The following GPRC5A variants were observed in gnomAD, a reference collection of about 807,000 sequenced individuals.
The protein encoded by GPRC5A is G protein-coupled receptor class C group 5 member A.
In GPRC5A, 19 loss-of-function variants were observed where a neutral mutation model predicts 22.5. The ratio of observed to expected loss-of-function variants is 0.85; its 90% CI spans 0.59 to 1.24. The LOEUF is 1.24. GPRC5A is among the 50% of genes most tolerant of loss of function. GPRC5A has a pLI of 0.00. For synonymous variants in GPRC5A, 192 were observed against 184.5 expected (o/e 1.04, Z -0.33); for missense variants, 471 against 451.1 (o/e 1.04, Z -0.40).
rs1199515181 is a variant in GPRC5A, at chr12:12,915,878, C to G, written c.*3339C>G. The G allele has an allele frequency of 5.7e-6, 3 of 528,384 alleles. No individual in the cohort carries two copies. Among genetic ancestry groups the G allele is most frequent in the Non-Finnish European group, 7.8e-6 (2 of 256,750 alleles). 32.7% of individuals were successfully genotyped at this position (528,384 alleles called of 1,614,324 possible). Reference sequence around the variant, plus strand: ...AGCCTGCAGGGGCAGGCCAGCCCTGCACTGAACGCCTGTTCTTGCCAGGTG... The same window carrying G: ...AGCCTGCAGGGGCAGGCCAGCCCTGGACTGAACGCCTGTTCTTGCCAGGTG... On this transcript the variant is annotated 3_prime_UTR_variant, in exon 4 of 4. Transcript: ENST00000014914.
intron 1 of GPRC5A, among the ~76,000 whole-genome samples, chr12:12,896,364 G>A (rs570002872): frequency 6.6e-6 from 1 of 152,276 alleles, no homozygotes; most frequent in Non-Finnish European, 1.5e-5. Flanking sequence ...TTATTCATAA[G>A]TTATTGCCAT....
intron 1 of GPRC5A, among the ~76,000 whole-genome samples, chr12:12,907,068 A>C (rs1373169438): frequency 6.6e-6 from 1 of 150,840 alleles, no homozygotes; most frequent in Non-Finnish European, 1.5e-5. Context: ...AAAAAAAAAC[A>C]AAAACTCAAA....
chr12:12,903,066 T>C (rs1863906331), intron 1 of GPRC5A, among the ~76,000 whole-genome samples: 1 of 151,752 alleles, frequency 6.6e-6, no homozygotes, highest in Non-Finnish European at 1.5e-5. Context: ...AAACTCCGTC[T>C]CAAACAAAAA....
At position 12,909,146 on chromosome 12, in the gene GPRC5A, C is replaced by T; in HGVS notation, c.897C>T (p.Ala299=). The change falls in exon 2 of 4, where the codon GCC becomes GCT. Residue 299 remains alanine, a synonymous_variant. Transcript: ENST00000014914. ...AGAGCTATGGTGTGGAGAACAGAGC[C>T]TACTCTCAAGAGGAAATCACTCAAG... ...VKKSYGVENR[A]YSQEEITQGF... The T allele has an allele frequency of 6.3e-7, 1 of 1,593,764 alleles. No individual in the cohort carries two copies. Among genetic ancestry groups the T allele is most frequent in the Non-Finnish European group, 8.5e-7 (1 of 1,176,070 alleles).
chr12:12,911,173 G>A (rs983715271), intron 2 of GPRC5A, among the ~76,000 whole-genome samples: 6 of 151,768 alleles, frequency 4.0e-5, no homozygotes, highest in East Asian at 1.9e-4. Flanking sequence ...GCCCAGCCAC[G>A]ATCTCTTAAA....
At chr12:12,895,030 A>G (rs112409738) in intron 1 of GPRC5A, among the ~76,000 whole-genome samples, 8,228 of 151,738 alleles carry the variant, frequency 0.054, 767 homozygotes, top group African/African-American at 0.19. Flanking sequence ...TGCCCGCCTC[A>G]GCCTCCCAAA....
chr12:12,895,865 T>TGCCTC (rs1863818104), intron 1 of GPRC5A, among the ~76,000 whole-genome samples: 1 of 139,050 alleles, frequency 7.2e-6, no homozygotes, highest in Non-Finnish European at 1.5e-5. Context: ...TGGTGGTGGG[T>TGCCTC]GCCTGTAGTC....
At chr12:12,903,056 A>T (rs778464126) in intron 1 of GPRC5A, among the ~76,000 whole-genome samples, 23 of 152,182 alleles carry the variant, frequency 1.5e-4, no homozygotes, top group Middle Eastern at 3.2e-3. Flanking sequence ...AACGGGAGTG[A>T]AACTCCGTCT....
intron 3 of GPRC5A, 79 bp from the exon 4 acceptor site, chr12:12,912,368 A>G (rs1336400257): frequency 2.0e-6 from 2 of 986,492 alleles, no homozygotes; most frequent in East Asian, 2.4e-5. Flanking sequence ...GAAGGAAATG[A>G]GACTTCTGCC....
intron 1 of GPRC5A, among the ~76,000 whole-genome samples, chr12:12,903,468 TA>T (rs1592349468): frequency 6.6e-6 from 1 of 152,148 alleles, no homozygotes; most frequent in Non-Finnish European, 1.5e-5. Context: ...TTTATTTTTC[TA>T]GAGACAGTGG....
Position 12,908,525 on chromosome 12 carries a change from C to T in GPRC5A, c.276C>T (p.Ser92=). ...TFAFIIGLDG[S]TGPTRFFLFG... ...CCTTCATCATCGGACTGGACGGGAG[C>T]ACAGGGCCCACACGCTTCTTCCTCT... Residue 92 remains serine, a synonymous_variant, in exon 2 of 4, where the codon AGC becomes AGT. Coordinates refer to ENST00000014914, the MANE Select transcript of GPRC5A (RefSeq NM_003979.4). 1.9e-6 allele frequency: 3 copies of T among 1,614,170 alleles called. No homozygotes were observed. Among genetic ancestry groups the T allele is most frequent in the Non-Finnish European group, 2.5e-6 (3 of 1,180,044 alleles).
intron 1 of GPRC5A, among the ~76,000 whole-genome samples, chr12:12,893,457 T>C (rs1863785947): frequency 1.3e-5 from 2 of 152,202 alleles, no homozygotes. Context: ...TTGAGGAGTA[T>C]TTTTGCTTGA....
Position 12,909,091 on chromosome 12 carries a change from A to G in GPRC5A, c.842A>G (p.Asp281Gly). 1 of 1,603,832 alleles carries G rather than the reference A, an allele frequency of 6.2e-7. No individual in the cohort carries two copies. The highest frequency in any genetic ancestry group is 1.1e-5 in the South Asian group (1 of 91,074). Reference protein sequence around the residue: ...QRNPMDYPVEDAFCKPQLVKK... With the variant: ...QRNPMDYPVEGAFCKPQLVKK... Reference sequence around the variant, plus strand: ...AACCCCATGGATTATCCTGTTGAGGATGCTTTCTGTAAACCTCAACTCGTG... The same window carrying G: ...AACCCCATGGATTATCCTGTTGAGGGTGCTTTCTGTAAACCTCAACTCGTG... Residue 281 changes from aspartate to glycine, a missense_variant, in exon 2 of 4, where the codon GAT becomes GGT. Physicochemically the swap from Asp to Gly is moderately conservative, Grantham distance 94. Coordinates refer to ENST00000014914, the MANE Select transcript of GPRC5A (RefSeq NM_003979.4).
intron 1 of GPRC5A, among the ~76,000 whole-genome samples, chr12:12,898,536 GAAA>G (rs1016271986): frequency 7.3e-6 from 1 of 137,106 alleles, no homozygotes; most frequent in Non-Finnish European, 1.6e-5. Flanking sequence ...TGTCTCAAAA[GAAA>G]AAAAAAAAGA....
chr12:12,901,602 GACA>G (rs1455900425), intron 1 of GPRC5A, among the ~76,000 whole-genome samples: 3 of 152,074 alleles, frequency 2.0e-5, no homozygotes, highest in African/African-American at 7.2e-5. Context: ...GCTGGGGAGA[GACA>G]ACGTTTAATG....
At chr12:12,896,061 G>T (rs1863820388) in intron 1 of GPRC5A, among the ~76,000 whole-genome samples, 1 of 149,472 alleles carries the variant, frequency 6.7e-6, no homozygotes, top group African/African-American at 2.5e-5. Flanking sequence ...CCTATTTTCT[G>T]GAAATTTCAT....
At position 12,909,147 on chromosome 12, in the gene GPRC5A, T is replaced by C. The variant is rs574849680; in HGVS notation, c.898T>C (p.Tyr300His). ...KKSYGVENRAYSQEEITQGFE... is the reference protein window; with the variant it reads ...KKSYGVENRAHSQEEITQGFE... ...GAGCTATGGTGTGGAGAACAGAGCC[T>C]ACTCTCAAGAGGAAATCACTCAAGG... is the stretch of plus-strand genomic sequence containing the variant. Residue 300 changes from tyrosine (Y) to histidine (H), a missense_variant, in exon 2 of 4, where the codon TAC (tyrosine) becomes CAC (histidine). Transcript: ENST00000014914. 3.1e-6 allele frequency: 5 copies of C among 1,593,294 alleles called. No homozygotes were observed. In the Admixed American group the frequency reaches 8.4e-5, roughly 27 times the overall value.
At chr12:12,912,289 C>T (rs1038537111) in intron 3 of GPRC5A, 147 bp downstream of exon 3, 43 of 853,942 alleles carry the variant, frequency 5.0e-5, no homozygotes, top group Admixed American at 4.8e-4. Context: ...AGCGGCCTCA[C>T]GGGGTTAGTG....
chr12:12,899,644 C>G (rs147881838), intron 1 of GPRC5A, among the ~76,000 whole-genome samples: 94 of 152,206 alleles, frequency 6.2e-4, no homozygotes, highest in African/African-American at 2.2e-3. Flanking sequence ...AAATACATAA[C>G]TACTCAGCAT....
Sources: gnomAD v4.1 joint callset for allele counts (sites outside exome capture counted in the v4.1 genomes callset) on GRCh38, gnomAD v4.1.1 for gene constraint, MANE v1.5 for transcripts, NCBI Gene and HGNC (gene_info 2026-07-23, HGNC 2026-07-21) for gene names.